The following RASSF3 variants were observed in gnomAD, a reference collection of about 807,000 sequenced individuals.
RASSF3 encodes the protein Ras association domain family member 3, also known as ras association domain-containing protein 3.
RASSF3 carries 19 observed loss-of-function variants against 19.9 expected under a neutral mutation model. That is an observed-to-expected ratio of 0.96 (90% CI 0.67 to 1.40). The LOEUF is 1.40. Ranked by LOEUF, RASSF3 falls within the 40% of genes most tolerant of loss-of-function variation. RASSF3 has a pLI of 0.00. For missense variants in RASSF3, 306 were observed against 289.8 expected (o/e 1.06, Z -0.41); for synonymous variants, 110 against 104.2 (o/e 1.06, Z -0.34).
At chr12:64,633,279 T>G (rs1455700647) in intron 1 of RASSF3, among the ~76,000 whole-genome samples, 3 of 152,330 alleles carry the variant, frequency 2.0e-5, no homozygotes, top group African/African-American at 7.2e-5. Context: ...TGTGTTGCCT[T>G]CAAATCTTAT....
At chr12:64,514,113 T>A (rs1295272279) in intron 1 of RASSF3, among the ~76,000 whole-genome samples, 1 of 148,868 alleles carries the variant, frequency 6.7e-6, no homozygotes, top group African/African-American at 2.5e-5. Flanking sequence ...GGTCTCGAAC[T>A]CCTGACCTCG....
chr12:64,608,121 T>G (rs1870225661), upstream of RASSF3, among the ~76,000 whole-genome samples: 1 of 152,052 alleles, frequency 6.6e-6, no homozygotes, highest in African/African-American at 2.4e-5. Context: ...GGTCTCACTA[T>G]GTTGGTCAGG....
intron 2 of RASSF3, among the ~76,000 whole-genome samples, chr12:64,558,335 G>T (rs1318200733): frequency 6.6e-6 from 1 of 152,156 alleles, no homozygotes; most frequent in Non-Finnish European, 1.5e-5. Flanking sequence ...AAGTCATTTT[G>T]CCTACTTGGT....
chr12:64,634,767 A>T (rs1157722282), intron 1 of RASSF3, among the ~76,000 whole-genome samples: 1 of 63,086 alleles, frequency 1.6e-5, no homozygotes, highest in Non-Finnish European at 3.7e-5. Context: ...TCTCATAAAA[A>T]AAAAAAAAAA....
chr12:64,587,488 C>T (rs1869832805), intron 2 of RASSF3, among the ~76,000 whole-genome samples: 1 of 152,168 alleles, frequency 6.6e-6, no homozygotes, highest in Non-Finnish European at 1.5e-5. Flanking sequence ...ATCTACAAGA[C>T]TGTTATGCTG....
upstream of RASSF3, chr12:64,610,446 C>T (rs1870300386): frequency 5.0e-6 from 1 of 199,062 alleles, no homozygotes; most frequent in Non-Finnish European, 9.9e-6. Flanking sequence ...CGGGGCCGAG[C>T]CGCGCCTGGA....
intron 2 of RASSF3, among the ~76,000 whole-genome samples, chr12:64,558,446 G>T (rs989462786): frequency 6.6e-6 from 1 of 152,152 alleles, no homozygotes; most frequent in Non-Finnish European, 1.5e-5. Flanking sequence ...CCAGCCACAT[G>T]CCTCTATTCC....
intron 2 of RASSF3, among the ~76,000 whole-genome samples, chr12:64,578,045 C>A (rs2136133489): frequency 6.6e-6 from 1 of 151,940 alleles, no homozygotes; most frequent in Middle Eastern, 3.4e-3. Flanking sequence ...TTGGTGAAAC[C>A]CCATCTCTAC....
At chr12:64,525,678 G>A (rs1363483895) in intron 1 of RASSF3, among the ~76,000 whole-genome samples, 4 of 152,124 alleles carry the variant, frequency 2.6e-5, no homozygotes, top group Non-Finnish European at 5.9e-5. Context: ...AGTGGTGAGC[G>A]TGGGCGAAAT....
rs374022462 is a variant in RASSF3 at position 64,665,449 on chromosome 12, A to T, written c.112-19338A>T. ...TGTTAGATTTTTAACTTATTATTAA[A>T]CACCAAGTTTGATAATAAATACTAT... On this transcript the variant is annotated intron_variant, in intron 1 of 4. Coordinates refer to ENST00000542104, the MANE Select transcript of RASSF3 (RefSeq NM_178169.4). Among the ~76,000 whole-genome samples, 30 of 152,196 alleles carry T rather than the reference A, an allele frequency of 2.0e-4. 1 individual carries two copies. In the East Asian group the frequency reaches 5.0e-3, roughly 25 times the overall value.
At chr12:64,628,365 AATC>A in intron 1 of RASSF3, 1 of 152,210 alleles carries the variant, frequency 6.6e-6, no homozygotes, top group East Asian at 1.9e-4. Flanking sequence ...AATGTATGAG[AATC>A]ATCTTCTTAC....
intron 1 of RASSF3, among the ~76,000 whole-genome samples, chr12:64,644,662 A>C (rs377037283): frequency 6.6e-6 from 1 of 150,988 alleles, no homozygotes; most frequent in Non-Finnish European, 1.5e-5. Flanking sequence ...GCATCACTAC[A>C]CTCCAGCCTG....
chr12:64,530,429 C>T (rs1868684088), upstream of RASSF3, among the ~76,000 whole-genome samples: 1 of 152,040 alleles, frequency 6.6e-6, no homozygotes, highest in Admixed American at 6.6e-5. Flanking sequence ...ATATGTGAGC[C>T]ACCGTGCCTG....
At chr12:64,622,027 C>T (rs908490611) in intron 1 of RASSF3, among the ~76,000 whole-genome samples, 1 of 152,036 alleles carries the variant, frequency 6.6e-6, no homozygotes, top group Admixed American at 6.6e-5. Flanking sequence ...TTTCCAACCA[C>T]TCTGGTAGAA....
At chr12:64,678,240 T>C (rs900994192) in intron 1 of RASSF3, among the ~76,000 whole-genome samples, 1 of 152,246 alleles carries the variant, frequency 6.6e-6, no homozygotes, top group Non-Finnish European at 1.5e-5. Flanking sequence ...ATTCCTAGGC[T>C]AGAACCTGTT....
At chr12:64,666,412 A>G (rs1317429974) in intron 1 of RASSF3, among the ~76,000 whole-genome samples, 1 of 152,200 alleles carries the variant, frequency 6.6e-6, no homozygotes, top group Non-Finnish European at 1.5e-5. Context: ...GTTAACTGAA[A>G]CAGACTCTAA....
At chr12:64,508,244 G>A (rs1236162002) in intron 1 of RASSF3, among the ~76,000 whole-genome samples, 1 of 152,148 alleles carries the variant, frequency 6.6e-6, no homozygotes, top group Non-Finnish European at 1.5e-5. Context: ...ACTGGGCACC[G>A]TGGCTCACAC....
intron 2 of RASSF3, among the ~76,000 whole-genome samples, chr12:64,577,045 A>G (rs953545705): frequency 4.6e-5 from 7 of 152,186 alleles, no homozygotes; most frequent in African/African-American, 1.7e-4. Flanking sequence ...TTTTCTCAAA[A>G]TGATTCCCAA....
intron 1 of RASSF3, among the ~76,000 whole-genome samples, chr12:64,650,924 G>A (rs1338714501): frequency 1.3e-5 from 2 of 152,102 alleles, no homozygotes; most frequent in African/African-American, 2.4e-5. Flanking sequence ...TATGACTTGT[G>A]CATGCGCGAT....
Sources: allele counts gnomAD v4.1 joint callset (sites outside exome capture counted in the v4.1 genomes callset), GRCh38; gene constraint gnomAD v4.1.1; transcripts MANE v1.5; gene names NCBI Gene and HGNC (gene_info 2026-07-23, HGNC 2026-07-21).